Variants in CLTC observed in about 807,000 individuals in gnomAD.
CLTC encodes clathrin heavy chain 1.
Under a neutral mutation model 195.8 loss-of-function variants are expected in CLTC, and 16 were observed. The ratio of observed to expected loss-of-function variants is 0.08; its 90% CI spans 0.06 to 0.12. The LOEUF is 0.12. Ranked by LOEUF, CLTC falls within the 10% of genes least tolerant of loss-of-function variation. CLTC has a pLI of 1.00. For missense variants in CLTC, 796 were observed against 2,027.0 expected (o/e 0.39, Z 11.66); for synonymous variants, 667 against 689.4 (o/e 0.97, Z 0.51).
intron 5 of CLTC, among the ~76,000 whole-genome samples, chr17:59,651,962 T>G (rs770718018): frequency 1.3e-5 from 2 of 152,244 alleles, no homozygotes; most frequent in African/African-American, 4.8e-5. Flanking sequence ...CTGCCACTGC[T>G]TTATTAGCTA....
At chr17:59,623,163 C>A (rs1238471952) in intron 1 of CLTC, among the ~76,000 whole-genome samples, 3 of 152,186 alleles carry the variant, frequency 2.0e-5, no homozygotes, top group Admixed American at 2.0e-4. Context: ...AATTAAAAAT[C>A]TCCCTACCCT....
rs1282115216 is a variant in CLTC at position 59,681,159 on chromosome 17, G to A, written c.3065+102G>A. On this transcript the variant is annotated intron_variant, in intron 19 of 31. Transcript: ENST00000269122. This position sits in a 1 kb window ranked among gnomAD's most constrained non-coding sequence, Gnocchi z 5.0. ...ACAAAAAGATCAGAGAAAGTTGCCTGAATTCTCACTCTTCTAATATCCTCC... is the reference window on the plus strand; with the variant it reads ...ACAAAAAGATCAGAGAAAGTTGCCTAAATTCTCACTCTTCTAATATCCTCC... 10 of 1,476,908 alleles carry A rather than the reference G, an allele frequency of 6.8e-6. No homozygotes were observed. The Admixed American group carries it at 1.2e-4, about 18-fold the overall frequency. The allele number at this position is 1,476,908 out of a possible 1,614,324, so 91.5% of individuals were successfully genotyped here.
chr17:59,654,365 A>T (rs1340282341), intron 5 of CLTC, among the ~76,000 whole-genome samples: 3 of 144,768 alleles, frequency 2.1e-5, no homozygotes, highest in African/African-American at 7.7e-5. Context: ...TTTAGTAGAG[A>T]CAGGGCTTCA....
In CLTC at chr17:59,666,756, T is replaced by A. The variant is rs2032742000; in HGVS notation, c.1948-41T>A. Reference sequence around the variant, plus strand: ...TTTCATACCACCATGAGGTTCAACATTATTTCATTTATTCATTCATTCATT... The same window carrying A: ...TTTCATACCACCATGAGGTTCAACAATATTTCATTTATTCATTCATTCATT... On this transcript the variant is annotated intron_variant, in intron 12 of 31. Transcript: ENST00000269122. The surrounding 1 kb of genome is among the most constrained non-coding windows in gnomAD (Gnocchi z 4.9). 3 of 1,580,108 alleles carry A rather than the reference T, an allele frequency of 1.9e-6. No individual in the cohort carries two copies. The African/African-American group carries it at 4.1e-5, about 21-fold the overall frequency.
intron 1 of CLTC, among the ~76,000 whole-genome samples, chr17:59,642,213 G>A (rs891415985): frequency 6.6e-6 from 1 of 152,058 alleles, no homozygotes; most frequent in Non-Finnish European, 1.5e-5. Context: ...TGAGAAGTAG[G>A]AAGGAATCTG....
intron 5 of CLTC, among the ~76,000 whole-genome samples, chr17:59,655,087 GGCTAGGTCAAAAGGCCCACCATTCA>G (rs2032431872): frequency 6.6e-6 from 1 of 152,186 alleles, no homozygotes; most frequent in East Asian, 1.9e-4. Context: ...TTCACAACTT[GGCTAGGTCAAAAGGCCCACCATTCA>G]GCCTATCTTG....
chr17:59,636,132 C>T (rs945891128), intron 1 of CLTC, among the ~76,000 whole-genome samples: 2 of 149,128 alleles, frequency 1.3e-5, no homozygotes, highest in Non-Finnish European at 1.5e-5. Flanking sequence ...GAAACTACGT[C>T]TCAAAAAAAA....
chr17:59,662,768 A>G (rs1416457367), intron 8 of CLTC, among the ~76,000 whole-genome samples: 1 of 152,222 alleles, frequency 6.6e-6, no homozygotes, highest in African/African-American at 2.4e-5. Flanking sequence ...TTTGAGGTCC[A>G]TCCTAATTGA....
rs761514674 is a variant in CLTC, at chr17:59,685,565, C to A, written c.4606-22C>A. The A allele has an allele frequency of 3.8e-6, 6 of 1,587,562 alleles. No homozygotes were observed. Among genetic ancestry groups the A allele is most frequent in the Non-Finnish European group, 4.3e-6 (5 of 1,157,244 alleles). ...AGTATGTGGGGTCTAATGTTTTTGA[C>A]TTTCACTATTTCTTTGAATAGGATG... On this transcript the variant is annotated intron_variant, in intron 29 of 31. Transcript: ENST00000269122. This position sits in a 1 kb window ranked among gnomAD's most constrained non-coding sequence, Gnocchi z 5.0.
chr17:59,667,785 CTCAGT>C (rs1210220628), intron 13 of CLTC, among the ~76,000 whole-genome samples: 1 of 152,198 alleles, frequency 6.6e-6, no homozygotes, highest in Non-Finnish European at 1.5e-5. Context: ...GGAAAATCAC[CTCAGT>C]TGAGAACCAC....
intron 6 of CLTC, among the ~76,000 whole-genome samples, chr17:59,658,977 C>T (rs2032543427): frequency 1.3e-5 from 2 of 152,172 alleles, no homozygotes; most frequent in African/African-American, 4.8e-5. Flanking sequence ...GCAGGGCAGA[C>T]TGTTACCTAT....
chr17:59,683,640 C>T lies in CLTC; in HGVS notation c.4207C>T (p.Leu1403=). 1 of 1,614,088 alleles carries T rather than the reference C, an allele frequency of 6.2e-7. No homozygotes were observed. Among genetic ancestry groups the T allele is most frequent in the South Asian group, 1.1e-5 (1 of 91,072 alleles). The part of the protein sequence containing the change: ...DIITKVANVE[L]YYRAIQFYLE... Reference sequence around the variant, plus strand: ...CCCATTGTAGGTTGCCAATGTGGAACTATACTACAGAGCAATACAGTTCTA... The same window carrying T: ...CCCATTGTAGGTTGCCAATGTGGAATTATACTACAGAGCAATACAGTTCTA... The change falls in exon 27 of 32, where the codon CTA becomes TTA. Residue 1403 remains leucine (L), a synonymous_variant. Coordinates refer to ENST00000269122, the MANE Select transcript of CLTC (RefSeq NM_004859.4). The surrounding 1 kb of genome is among the most constrained non-coding windows in gnomAD (Gnocchi z 6.1).
chr17:59,639,795 C>G (rs1349144629), intron 1 of CLTC, among the ~76,000 whole-genome samples: 1 of 98,090 alleles, frequency 1.0e-5, no homozygotes, highest in Non-Finnish European at 2.0e-5. Flanking sequence ...TAGGGAGAAC[C>G]TGTCTCTTAA....
chr17:59,693,219 T>C (rs2143621087), intron 31 of CLTC, among the ~76,000 whole-genome samples: 2 of 151,882 alleles, frequency 1.3e-5, no homozygotes, highest in South Asian at 4.2e-4. Context: ...ATACAAAAAT[T>C]AGCTGGACAT....
chr17:59,682,815 G>C lies in CLTC; in HGVS notation c.3765+22G>C. 3.1e-6 allele frequency: 5 copies of C among 1,612,134 alleles called. No homozygotes were observed. Among genetic ancestry groups the C allele is most frequent in the Non-Finnish European group, 4.2e-6 (5 of 1,178,792 alleles). On this transcript the variant is annotated intron_variant, in intron 23 of 31. Transcript: ENST00000269122. This position sits in a 1 kb window ranked among gnomAD's most constrained non-coding sequence, Gnocchi z 6.8. ...AGAGGTAATCTAAACCCAAGTTTGA[G>C]TGAAGAATTAAAGAAACGCTATTTA...
At position 59,681,556 on chromosome 17, in the gene CLTC, A is replaced by G. The variant is rs1340075629; in HGVS notation, c.3249+78A>G. ...GGGCCTAATTGGTTGCTACGGCAAT[A>G]GAGCAGCAATAAAATACTAACAGCT... On this transcript the variant is annotated intron_variant, in intron 20 of 31. Coordinates refer to ENST00000269122, the MANE Select transcript of CLTC (RefSeq NM_004859.4). This position sits in a 1 kb window ranked among gnomAD's most constrained non-coding sequence, Gnocchi z 5.0. 1.3e-5 allele frequency: 21 copies of G among 1,568,284 alleles called. No homozygotes were observed. The East Asian group carries it at 4.1e-4, about 30-fold the overall frequency.
intron 1 of CLTC, among the ~76,000 whole-genome samples, chr17:59,642,976 C>G (rs1266434295): frequency 1.3e-5 from 2 of 152,060 alleles, no homozygotes; most frequent in Non-Finnish European, 2.9e-5. Context: ...AGAAGAGTTT[C>G]AGAAGAGAAT....
At chr17:59,668,246 T>TG (rs2032773905) in intron 13 of CLTC, among the ~76,000 whole-genome samples, 1 of 152,322 alleles carries the variant, frequency 6.6e-6, no homozygotes, top group South Asian at 2.1e-4. Context: ...CACCAGGTAT[T>TG]GGGGTCTTCA....
At position 59,648,923 on chromosome 17, in the gene CLTC, G is replaced by C. The variant is rs1003834134; in HGVS notation, c.681+522G>C. Among the ~76,000 whole-genome samples, 24 of 152,268 alleles carry C rather than the reference G, an allele frequency of 1.6e-4. No homozygotes were observed. Among genetic ancestry groups the C allele is most frequent in the African/African-American group, 5.8e-4 (24 of 41,546 alleles). On this transcript the variant is annotated intron_variant, in intron 4 of 31. Coordinates refer to ENST00000269122, the MANE Select transcript of CLTC (RefSeq NM_004859.4). The surrounding 1 kb of genome is among the most constrained non-coding windows in gnomAD (Gnocchi z 4.5). ...CTGCCCAGGCTGGTCTCAAACCTCT[G>C]GGTCCAAGTGATCCTCCCGCCTTGG... is the stretch of plus-strand genomic sequence containing the variant.
Sources: gnomAD v4.1 joint callset for allele counts (sites outside exome capture counted in the v4.1 genomes callset) on GRCh38, gnomAD v4.1.1 for gene constraint, Gnocchi (gnomAD v3.1) non-coding constraint, MANE v1.5 for transcripts, NCBI Gene and HGNC (gene_info 2026-07-23, HGNC 2026-07-21) for gene names.